Variants in TMEM182 observed in about 807,000 individuals in gnomAD.
TMEM182 encodes the protein transmembrane protein 182.
TMEM182 carries 20 observed loss-of-function variants against 26.8 expected under a neutral mutation model. The observed-to-expected ratio is 0.75, with a 90% CI of 0.53 to 1.09. TMEM182 has a LOEUF of 1.09. Among genes scored for constraint, TMEM182 ranks in the 50% least tolerant of loss-of-function variants. The pLI, the probability that TMEM182 is intolerant of heterozygous loss-of-function variation, is 0.00. For synonymous variants in TMEM182, 109 were observed against 102.2 expected, an observed-to-expected ratio of 1.07 and a Z score of -0.40; for missense variants, 277 against 275.5, an observed-to-expected ratio of 1.01 and a Z score of -0.04.
At chr2:102,808,728 C>T (rs1019094944) in intron 4 of TMEM182, among the ~76,000 whole-genome samples, 6 of 152,054 alleles carry the variant, frequency 3.9e-5, no homozygotes, top group Non-Finnish European at 5.9e-5. Flanking sequence ...TATACTCATA[C>T]GATGGAATAA....
intron 3 of TMEM182, among the ~76,000 whole-genome samples, chr2:102,780,757 G>T (rs1245312726): frequency 6.6e-6 from 1 of 152,150 alleles, no homozygotes; most frequent in Non-Finnish European, 1.5e-5. Flanking sequence ...ACAAACTGTG[G>T]AGGAGAAAGT....
chr2:102,742,443 A>T (rs1251896562), intron 1 of TMEM182, among the ~76,000 whole-genome samples: 1 of 151,978 alleles, frequency 6.6e-6, no homozygotes, highest in Non-Finnish European at 1.5e-5. Context: ...CCAAAAGGGA[A>T]AGGTGTAAGA....
intron 4 of TMEM182, among the ~76,000 whole-genome samples, chr2:102,801,327 T>C (rs1682121788): frequency 6.6e-6 from 1 of 152,158 alleles, no homozygotes; most frequent in South Asian, 2.1e-4. Context: ...ATTAACATCC[T>C]GAGACTGGGC....
chr2:102,798,988 G>A (rs982347109), intron 4 of TMEM182, among the ~76,000 whole-genome samples: 3 of 152,184 alleles, frequency 2.0e-5, no homozygotes, highest in African/African-American at 7.2e-5. Context: ...AGTAATTGAA[G>A]AGGTGAGTCT....
At chr2:102,766,540 A>G (rs1342845242) in intron 3 of TMEM182, among the ~76,000 whole-genome samples, 1 of 152,208 alleles carries the variant, frequency 6.6e-6, no homozygotes, top group Non-Finnish European at 1.5e-5. Context: ...AATAATATAC[A>G]AGGAAATTTG....
At chr2:102,762,715 CTT>C (rs1553437535) in intron 2 of TMEM182, 29 bp downstream of exon 2, 2 of 1,568,874 alleles carry the variant, frequency 1.3e-6, no homozygotes, top group South Asian at 1.1e-5. Flanking sequence ...TATTTTCCCT[CTT>C]GTCTGTAAAA....
At chr2:102,840,148 T>C (rs772267513) in intron 3 of TMEM182, among the ~76,000 whole-genome samples, 18 of 152,124 alleles carry the variant, frequency 1.2e-4, no homozygotes, top group Non-Finnish European at 2.2e-4. Flanking sequence ...AATCTTTCCA[T>C]TGAAAACCCA....
At position 102,817,217 on chromosome 2, in the gene TMEM182, G is replaced by T; in HGVS notation, c.*2249G>T. 1 of 985,346 alleles carries T rather than the reference G, an allele frequency of 1.0e-6. No individual in the cohort carries two copies. The highest frequency in any genetic ancestry group is 1.2e-6 in the Non-Finnish European group (1 of 829,894). The allele number at this position is 985,346 out of a possible 1,614,324, so 61.0% of individuals were successfully genotyped here. ...TATATCTGATTTGAGATACTGTGTTGCCAAATGTCCATGTTATGTTTATTT... is the reference window on the plus strand; with the variant it reads ...TATATCTGATTTGAGATACTGTGTTTCCAAATGTCCATGTTATGTTTATTT... On this transcript the variant is annotated 3_prime_UTR_variant, in exon 5 of 5. Coordinates refer to ENST00000412401, the MANE Select transcript of TMEM182 (RefSeq NM_144632.5).
At chr2:102,777,346 C>T (rs1680961293) in intron 3 of TMEM182, among the ~76,000 whole-genome samples, 1 of 151,970 alleles carries the variant, frequency 6.6e-6, no homozygotes, top group Admixed American at 6.6e-5. Flanking sequence ...TGTCTAGGTT[C>T]ATTATTTTGC....
At chr2:102,767,825 A>AC (rs1233865396) in intron 3 of TMEM182, among the ~76,000 whole-genome samples, 1 of 152,246 alleles carries the variant, frequency 6.6e-6, no homozygotes, top group Non-Finnish European at 1.5e-5. Context: ...AATGCAATGA[A>AC]CACAATTTCA....
chr2:102,791,028 C>T (rs1008519794), intron 3 of TMEM182, among the ~76,000 whole-genome samples: 4 of 152,186 alleles, frequency 2.6e-5, no homozygotes, highest in South Asian at 4.2e-4. Context: ...CTCCACCTCC[C>T]GGGTTCAAGC....
chr2:102,808,503 C>G (rs2104747962), intron 4 of TMEM182, among the ~76,000 whole-genome samples: 1 of 152,138 alleles, frequency 6.6e-6, no homozygotes, highest in East Asian at 1.9e-4. Flanking sequence ...AGTTCCAGTG[C>G]CATTTTATCA....
Position 102,814,785 on chromosome 2 carries a change from C to T in TMEM182, c.507C>T (p.Ile169=). 2.5e-6 allele frequency: 4 copies of T among 1,613,826 alleles called. No individual in the cohort carries two copies. Among genetic ancestry groups the T allele is most frequent in the Non-Finnish European group, 3.4e-6 (4 of 1,179,928 alleles). The part of the protein sequence containing the change: ...LFSLVVMLYV[I]WVQAVADMES... ...CATTGGTGGTGATGCTGTATGTCAT[C>T]TGGGTCCAGGCAGTGGCTGACATGG... Residue 169 remains isoleucine (I), a synonymous_variant, in exon 5 of 5, where the codon ATC becomes ATT. Coordinates refer to ENST00000412401, the MANE Select transcript of TMEM182 (RefSeq NM_144632.5).
chr2:102,766,114 C>T (rs1167458661), intron 3 of TMEM182, among the ~76,000 whole-genome samples: 1 of 152,104 alleles, frequency 6.6e-6, no homozygotes, highest in African/African-American at 2.4e-5. Flanking sequence ...TGTTGTTATT[C>T]ATATAATGAG....
At chr2:102,747,987 T>G (rs888496252) in intron 1 of TMEM182, among the ~76,000 whole-genome samples, 1 of 152,098 alleles carries the variant, frequency 6.6e-6, no homozygotes, top group South Asian at 2.1e-4. Context: ...CATGTAACAC[T>G]ACGAAGGTCA....
At position 102,738,039 on chromosome 2, in the gene TMEM182, C is replaced by A. The variant is rs556828125; in HGVS notation, c.-83+1026C>A. ...TATAATTGAATCCAGGTGAAACTGTCAATCGTGAACCCCCAAGTTATTCTG... is the reference window on the plus strand; with the variant it reads ...TATAATTGAATCCAGGTGAAACTGTAAATCGTGAACCCCCAAGTTATTCTG... On this transcript the variant is annotated intron_variant, in intron 1 of 5. Coordinates refer to the TMEM182 transcript ENST00000409173. Among the ~76,000 whole-genome samples the A allele has an allele frequency of 2.6e-5, 4 of 152,286 alleles. No individual in the cohort carries two copies. The South Asian group carries it at 6.2e-4, about 24-fold the overall frequency.
In TMEM182 at chr2:102,816,229, G is replaced by T; in HGVS notation, c.*1261G>T. 3.0e-6 allele frequency: 3 copies of T among 985,280 alleles called. No homozygotes were observed. Among genetic ancestry groups the T allele is most frequent in the Non-Finnish European group, 3.6e-6 (3 of 829,918 alleles). The allele number at this position is 985,280 out of a possible 1,614,324, so 61.0% of individuals were successfully genotyped here. On this transcript the variant is annotated 3_prime_UTR_variant, in exon 5 of 5. Coordinates refer to ENST00000412401, the MANE Select transcript of TMEM182 (RefSeq NM_144632.5). ...GGAAGCCTCCATCGCAGGGGAGCTCGGCAGGGTATGTGAGCTTTGTTGGAG... is the reference window on the plus strand; with the variant it reads ...GGAAGCCTCCATCGCAGGGGAGCTCTGCAGGGTATGTGAGCTTTGTTGGAG...
intron 4 of TMEM182, among the ~76,000 whole-genome samples, chr2:102,809,555 G>A (rs1241785458): frequency 6.6e-6 from 1 of 152,110 alleles, no homozygotes; most frequent in South Asian, 2.1e-4. Flanking sequence ...CATTTTCCCT[G>A]TTGCAGAATG....
chr2:102,770,335 G>T (rs542296110), intron 3 of TMEM182, among the ~76,000 whole-genome samples: 1 of 152,122 alleles, frequency 6.6e-6, no homozygotes, highest in South Asian at 2.1e-4. Context: ...CTTCACCAAG[G>T]GCTCAGCTAC....
Sources: gnomAD v4.1 joint callset for allele counts (sites outside exome capture counted in the v4.1 genomes callset) on GRCh38, gnomAD v4.1.1 for gene constraint, MANE v1.5 for transcripts, NCBI Gene and HGNC (gene_info 2026-07-23, HGNC 2026-07-21) for gene names.